Variants in YWHAG observed in about 807,000 individuals in gnomAD.
YWHAG encodes 14-3-3 protein gamma.
YWHAG carries 1 observed loss-of-function variant against 23.3 expected under a neutral mutation model. The ratio of observed to expected loss-of-function variants is 0.04; its 90% CI spans 0.02 to 0.20. The LOEUF (loss-of-function observed/expected upper bound fraction) is 0.20. YWHAG is among the 10% of genes least tolerant of loss of function. The pLI is 1.00. For missense variants in YWHAG, 151 were observed against 338.6 expected, an observed-to-expected ratio of 0.45 and a Z score of 4.35; for synonymous variants, 160 against 144.0, an observed-to-expected ratio of 1.11 and a Z score of -0.80.
intron 1 of YWHAG, 44 bp from the exon 2 acceptor site, chr7:76,330,277 C>A: frequency 6.4e-7 from 1 of 1,573,616 alleles, no homozygotes; most frequent in South Asian, 1.2e-5. Context: ...CAGATGGTGT[C>A]CACTGGGTTA....
chr7:76,341,164 T>C (rs1803688121), intron 1 of YWHAG, among the ~76,000 whole-genome samples: 1 of 152,094 alleles, frequency 6.6e-6, no homozygotes, highest in Admixed American at 6.6e-5. Context: ...AGGCTGAAGC[T>C]GGCAGATCAC....
chr7:76,356,619 T>G (rs1803964901), intron 1 of YWHAG, among the ~76,000 whole-genome samples: 1 of 152,232 alleles, frequency 6.6e-6, no homozygotes, highest in Admixed American at 6.5e-5. Context: ...TAAACTATAT[T>G]CTTGTTTAAA....
rs116532606 is a variant in YWHAG, at chr7:76,341,091, C to T, written c.88-10858G>A. Among the ~76,000 whole-genome samples the T allele has an allele frequency of 2.3e-3, 349 of 152,242 alleles. 1 individual carries two copies. Among genetic ancestry groups the T allele is most frequent in the African/African-American group, 8.0e-3 (333 of 41,548 alleles). On this transcript the variant is annotated intron_variant, in intron 1 of 1. Coordinates refer to ENST00000307630, the MANE Select transcript of YWHAG (RefSeq NM_012479.4). ...GCAGGGGAAGCCACCGCACCTGGCCCATACAGAATCTTGTACAGGGGCTGG... is the reference window on the plus strand; with the variant it reads ...GCAGGGGAAGCCACCGCACCTGGCCTATACAGAATCTTGTACAGGGGCTGG...
At chr7:76,346,788 T>C (rs1330086887) in intron 1 of YWHAG, among the ~76,000 whole-genome samples, 1 of 152,144 alleles carries the variant, frequency 6.6e-6, no homozygotes, top group Non-Finnish European at 1.5e-5. Flanking sequence ...AATTAGATTA[T>C]GGTCCTCTTC....
Position 76,351,475 on chromosome 7 carries a change from TAAC to T in YWHAG, c.87+7244_87+7246del, listed in dbSNP as rs148886358. Reference sequence around the variant, plus strand: ...ACCCAATGTGAAGGTTTGAAAATAATAACATCTATTCTCTATAGTAGGGGTCCC... The same window carrying T: ...ACCCAATGTGAAGGTTTGAAAATAATATCTATTCTCTATAGTAGGGGTCCC... On this transcript the variant is annotated intron_variant, in intron 1 of 1. Coordinates refer to ENST00000307630, the MANE Select transcript of YWHAG (RefSeq NM_012479.4). Among the ~76,000 whole-genome samples, 1,353 of 152,284 alleles carry T rather than the reference TAAC, an allele frequency of 8.9e-3. 24 individuals are homozygous for T. The highest frequency in any genetic ancestry group is 0.031 in the African/African-American group (1,279 of 41,540).
intron 1 of YWHAG, among the ~76,000 whole-genome samples, chr7:76,353,600 A>T (rs1437781823): frequency 1.3e-5 from 2 of 152,220 alleles, no homozygotes; most frequent in African/African-American, 4.8e-5. Context: ...AATTTTCAAG[A>T]TTTCTACAAA....
rs1037532353 is a variant in YWHAG at position 76,330,070 on chromosome 7, G to A, written c.251C>T (p.Ala84Val). The A allele has an allele frequency of 1.6e-5, 26 of 1,613,970 alleles. No individual in the cohort carries two copies. The highest frequency in any genetic ancestry group is 2.7e-5 in the African/African-American group (2 of 74,878). Residue 84 changes from alanine to valine, a missense_variant, in exon 2 of 2, where the codon GCG (alanine) becomes GTG (valine). Physicochemically the swap from Ala to Val is moderately conservative, Grantham distance 64. Transcript: ENST00000307630. ...CTCCTTCTCTATCTTCTCCCGGTAC[G>A]CACGGACCATCTCAATCTTCTTCTC... ...GNEKKIEMVR[A>V]YREKIEKELE...
intron 1 of YWHAG, among the ~76,000 whole-genome samples, chr7:76,331,433 C>T (rs748146205): frequency 1.3e-5 from 2 of 152,178 alleles, no homozygotes; most frequent in African/African-American, 2.4e-5. Flanking sequence ...AAAAGATCTA[C>T]TAAACCAAGC....
intron 1 of YWHAG, among the ~76,000 whole-genome samples, chr7:76,345,248 C>A (rs1017625903): frequency 6.7e-6 from 1 of 149,806 alleles, no homozygotes; most frequent in African/African-American, 2.5e-5. Context: ...TGCAGTGGCA[C>A]GATCTTGGCT....
At chr7:76,338,798 TGTGAAGGTGACGGTGTGGGTAA>T (rs1803650876) in intron 1 of YWHAG, among the ~76,000 whole-genome samples, 1 of 152,218 alleles carries the variant, frequency 6.6e-6, no homozygotes. Flanking sequence ...AAGGCTTCAT[TGTGAAGGTGACGGTGTGGGTAA>T]CAGGCACGTA....
chr7:76,329,489 T>TACCACCCC lies in YWHAG; in HGVS notation c.*87_*88insGGGGTGGT. 9.8e-7 allele frequency: 1 copy of TACCACCCC among 1,024,228 alleles called. No homozygotes were observed. Among genetic ancestry groups the TACCACCCC allele is most frequent in the Non-Finnish European group, 1.4e-6 (1 of 740,082 alleles). The allele number at this position is 1,024,228 out of a possible 1,614,324, so 63.4% of individuals were successfully genotyped here. The stretch of plus-strand genomic sequence containing the variant: ...TCCCTGGGAAGGTCATCCCTCCCTT[T>TACCACCCC]CCCTCCCCCACCCGACCCCCAACTC... On this transcript the variant is annotated 3_prime_UTR_variant, in exon 2 of 2. Transcript: ENST00000307630. This position sits in a 1 kb window ranked among gnomAD's most constrained non-coding sequence, Gnocchi z 6.1.
chr7:76,347,360 G>C (rs1030704448), intron 1 of YWHAG, among the ~76,000 whole-genome samples: 2 of 152,186 alleles, frequency 1.3e-5, no homozygotes, highest in Non-Finnish European at 2.9e-5. Flanking sequence ...ACTTTGGGAG[G>C]CCAAGGCAGG....
chr7:76,340,067 C>T (rs750886976), intron 1 of YWHAG, among the ~76,000 whole-genome samples: 4 of 151,920 alleles, frequency 2.6e-5, no homozygotes, highest in Non-Finnish European at 4.4e-5. Context: ...CCTGCCTGGG[C>T]GACACAGCGA....
At chr7:76,348,265 GTTTT>G (rs201085040) in intron 1 of YWHAG, among the ~76,000 whole-genome samples, 18 of 127,372 alleles carry the variant, frequency 1.4e-4, no homozygotes, top group East Asian at 2.4e-4. Flanking sequence ...CTTAGACTTC[GTTTT>G]TTTTTTTTTT....
Position 76,329,489 on chromosome 7 carries a change from T to TACCC in YWHAG, c.*87_*88insGGGT. 1 of 1,024,228 alleles carries TACCC rather than the reference T, an allele frequency of 9.8e-7. No homozygotes were observed. The highest frequency in any genetic ancestry group is 1.4e-6 in the Non-Finnish European group (1 of 740,082). The allele number at this position is 1,024,228 out of a possible 1,614,324, so 63.4% of individuals were successfully genotyped here. On this transcript the variant is annotated 3_prime_UTR_variant, in exon 2 of 2. Coordinates refer to ENST00000307630, the MANE Select transcript of YWHAG (RefSeq NM_012479.4). The surrounding 1 kb of genome is among the most constrained non-coding windows in gnomAD (Gnocchi z 6.1). ...TCCCTGGGAAGGTCATCCCTCCCTT[T>TACCC]CCCTCCCCCACCCGACCCCCAACTC...
At chr7:76,350,365 C>A (rs1032189121) in intron 1 of YWHAG, among the ~76,000 whole-genome samples, 1 of 152,180 alleles carries the variant, frequency 6.6e-6, no homozygotes, top group Non-Finnish European at 1.5e-5. Flanking sequence ...CTAGTGAGGA[C>A]CTTAAACATT....
chr7:76,358,820 T>A lies in YWHAG; in HGVS notation c.-12A>T. ...TCGCGGTCCACCATCTTCGCGGGGC[T>A]GGGTCTGGCCGGAGAAGGAGGAGGA... is the stretch of plus-strand genomic sequence containing the variant. On this transcript the variant is annotated 5_prime_UTR_variant, in exon 1 of 2. Coordinates refer to ENST00000307630, the MANE Select transcript of YWHAG (RefSeq NM_012479.4). The A allele has an allele frequency of 6.3e-7, 1 of 1,588,922 alleles. No homozygotes were observed. Among genetic ancestry groups the A allele is most frequent in the Non-Finnish European group, 8.6e-7 (1 of 1,169,102 alleles).
In YWHAG at chr7:76,329,832, C is replaced by T; in HGVS notation, c.489G>A (p.Glu163=). 1 of 1,613,950 alleles carries T rather than the reference C, an allele frequency of 6.2e-7. No homozygotes were observed. Among genetic ancestry groups the T allele is most frequent in the Non-Finnish European group, 8.5e-7 (1 of 1,179,980 alleles). ...AYSEAHEISK[E]HMQPTHPIRL... is the part of the protein sequence containing the mutation. The stretch of plus-strand genomic sequence containing the variant: ...GGATGGGGTGGGTGGGCTGCATGTG[C>T]TCTTTGCTGATCTCGTGGGCTTCGC... The change falls in exon 2 of 2, where the codon GAG becomes GAA. Residue 163 remains glutamate (E), a synonymous_variant. Coordinates refer to ENST00000307630, the MANE Select transcript of YWHAG (RefSeq NM_012479.4). This position sits in a 1 kb window ranked among gnomAD's most constrained non-coding sequence, Gnocchi z 6.1.
chr7:76,347,511 G>A (rs1321785653), intron 1 of YWHAG, among the ~76,000 whole-genome samples: 2 of 152,090 alleles, frequency 1.3e-5, no homozygotes, highest in Non-Finnish European at 2.9e-5. Flanking sequence ...GCTTGAACCT[G>A]GGAGGTGGAG....
Sources: allele counts gnomAD v4.1 joint callset (sites outside exome capture counted in the v4.1 genomes callset), GRCh38; gene constraint gnomAD v4.1.1; non-coding constraint Gnocchi (gnomAD v3.1); transcripts MANE v1.5; gene names NCBI Gene and HGNC (gene_info 2026-07-23, HGNC 2026-07-21).